Variants in PSMA1 observed in about 807,000 individuals in gnomAD.
The protein encoded by PSMA1 is proteasome 20S subunit alpha 1, also known as proteasome subunit alpha type-1.
Under a neutral mutation model 38.4 loss-of-function variants are expected in PSMA1, and 3 were observed. The observed-to-expected ratio is 0.08, with a 90% CI of 0.04 to 0.20. PSMA1 has a LOEUF of 0.20. PSMA1 is among the 10% of genes least tolerant of loss of function. The pLI is 1.00. For synonymous variants in PSMA1, 101 were observed against 107.1 expected (o/e 0.94, Z 0.35); for missense variants, 227 against 325.3 (o/e 0.70, Z 2.32).
intron 9 of PSMA1, among the ~76,000 whole-genome samples, chr11:14,506,249 C>T (rs556515684): frequency 2.6e-5 from 4 of 152,220 alleles, no homozygotes; most frequent in South Asian, 4.1e-4. Context: ...ACCATTTTAT[C>T]GTACTTTGCA....
intron 2 of PSMA1, among the ~76,000 whole-genome samples, chr11:14,589,852 C>G (rs542733619): frequency 1.3e-5 from 2 of 152,100 alleles, no homozygotes; most frequent in East Asian, 3.8e-4. Flanking sequence ...CAGTGTCCAA[C>G]GCTGTACACT....
intron 2 of PSMA1, among the ~76,000 whole-genome samples, chr11:14,548,247 ATTAT>A (rs1041055191): frequency 7.2e-5 from 11 of 152,116 alleles, no homozygotes; most frequent in Admixed American, 2.6e-4. Flanking sequence ...ATTATGTTCT[ATTAT>A]TATGTACTAT....
intron 2 of PSMA1, among the ~76,000 whole-genome samples, chr11:14,594,487 C>T (rs1243747416): frequency 6.6e-6 from 1 of 152,128 alleles, no homozygotes; most frequent in Non-Finnish European, 1.5e-5. Flanking sequence ...TGCAAAAAAA[C>T]ATTTCGTACT....
chr11:14,584,867 T>A (rs540234610), intron 2 of PSMA1, among the ~76,000 whole-genome samples: 2 of 152,356 alleles, frequency 1.3e-5, no homozygotes, highest in South Asian at 4.1e-4. Context: ...TAAGACAGGC[T>A]GGGGTCCCAT....
rs192235121 is a variant in PSMA1, at chr11:14,598,472, G to A, written c.21+12494C>T. ...ATATTTAGGACAGTTAGCTCTTCTT[G>A]TTGAATTAATCCCTTTACCATTATT... is the stretch of plus-strand genomic sequence containing the variant. On this transcript the variant is annotated intron_variant, in intron 2 of 10. Transcript: ENST00000418988. Among the ~76,000 whole-genome samples the A allele has an allele frequency of 5.9e-3, 895 of 152,054 alleles. 8 individuals carry two copies. Among genetic ancestry groups the A allele is most frequent in the Non-Finnish European group, 5.7e-3 (387 of 68,008 alleles).
In PSMA1 at chr11:14,614,187, G is replaced by GT. The variant is rs756137539; in HGVS notation, c.-165-3037dup. The stretch of plus-strand genomic sequence containing the variant: ...CAGTTTTAAAAACTGAGGGTTGTTT[G>GT]TTTTTTTAAAAAATACTCCTAAACT... On this transcript the variant is annotated intron_variant, in intron 1 of 10. Coordinates refer to the PSMA1 transcript ENST00000418988. 9.1e-4 allele frequency among the ~76,000 whole-genome samples: 139 copies of GT among 152,062 alleles called. 1 individual carries two copies. Among genetic ancestry groups the GT allele is most frequent in the Non-Finnish European group, 1.5e-3 (103 of 67,948 alleles).
At chr11:14,598,075 G>A (rs1359937212) in intron 2 of PSMA1, among the ~76,000 whole-genome samples, 1 of 151,996 alleles carries the variant, frequency 6.6e-6, no homozygotes, top group Non-Finnish European at 1.5e-5. Context: ...CATTTTCTTA[G>A]TCCTGAGTTC....
chr11:14,604,155 G>A (rs1852616138), intron 2 of PSMA1, among the ~76,000 whole-genome samples: 1 of 152,178 alleles, frequency 6.6e-6, no homozygotes, highest in Non-Finnish European at 1.5e-5. Flanking sequence ...CACCTCCTGG[G>A]TTCAAGTGAT....
intron 1 of PSMA1, among the ~76,000 whole-genome samples, chr11:14,621,774 CAT>C (rs1278192799): frequency 2.6e-5 from 4 of 152,206 alleles, no homozygotes; most frequent in African/African-American, 7.2e-5. Flanking sequence ...AAGGCCAACA[CAT>C]GTCTCTCATG....
In PSMA1 at chr11:14,537,095, A is replaced by T. The variant is rs193046878; in HGVS notation, c.22-18054T>A. Among the ~76,000 whole-genome samples the T allele has an allele frequency of 2.4e-4, 37 of 152,328 alleles. 1 individual carries two copies. The highest frequency in any genetic ancestry group is 3.4e-3 in the Middle Eastern group (1 of 294). On this transcript the variant is annotated intron_variant, in intron 2 of 10. Transcript: ENST00000418988. ...CTTTCCTCAAGACAAGAGAGAAAAA[A>T]TTCAATCCTTAGTCTGCCAATAGAC...
In PSMA1 at chr11:14,563,890, A is replaced by C. The variant is rs186135208; in HGVS notation, c.22-44849T>G. Among the ~76,000 whole-genome samples, 551 of 152,318 alleles carry C rather than the reference A, an allele frequency of 3.6e-3. 3 individuals carry two copies. The highest frequency in any genetic ancestry group is 0.024 in the Middle Eastern group (7 of 294). On this transcript the variant is annotated intron_variant, in intron 2 of 10. Transcript: ENST00000418988. ...ATTTTTGAAATTTAGGTGCAATTTTATAATCAATGATTAAATTTAATAAAG... is the reference window on the plus strand; with the variant it reads ...ATTTTTGAAATTTAGGTGCAATTTTCTAATCAATGATTAAATTTAATAAAG...
upstream of PSMA1, among the ~76,000 whole-genome samples, chr11:14,521,319 TAAG>T (rs1208406478): frequency 1.3e-4 from 10 of 79,058 alleles, no homozygotes; most frequent in Non-Finnish European, 2.5e-4. Context: ...AGAATAAGAA[TAAG>T]AATAAGAATA....
chr11:14,539,636 G>A (rs1851748747), intron 2 of PSMA1, among the ~76,000 whole-genome samples: 1 of 152,104 alleles, frequency 6.6e-6, no homozygotes, highest in African/African-American at 2.4e-5. Flanking sequence ...ACGAAGTCAG[G>A]AGATGGAGAC....
At chr11:14,554,896 C>T (rs984085772) in intron 2 of PSMA1, among the ~76,000 whole-genome samples, 1 of 152,166 alleles carries the variant, frequency 6.6e-6, no homozygotes, top group Non-Finnish European at 1.5e-5. Context: ...ACTTGTTTGA[C>T]AGATAGATTT....
chr11:14,567,426 A>AT (rs575875674), intron 2 of PSMA1, among the ~76,000 whole-genome samples: 1 of 152,240 alleles, frequency 6.6e-6, no homozygotes, highest in Non-Finnish European at 1.5e-5. Flanking sequence ...AATATCTGGT[A>AT]TAAAGAAGAA....
At chr11:14,603,507 G>C (rs1201609365) in intron 2 of PSMA1, among the ~76,000 whole-genome samples, 2 of 152,124 alleles carry the variant, frequency 1.3e-5, no homozygotes, top group Non-Finnish European at 2.9e-5. Flanking sequence ...TATTGCACCC[G>C]ATGAGTCCAC....
At chr11:14,633,955 C>G (rs898963520) in intron 1 of PSMA1, among the ~76,000 whole-genome samples, 12 of 152,236 alleles carry the variant, frequency 7.9e-5, no homozygotes, top group African/African-American at 9.6e-5. Flanking sequence ...TCCCTGACCC[C>G]TTGCGCTTCC....
At chr11:14,511,774 T>C (rs1346450395) in intron 7 of PSMA1, among the ~76,000 whole-genome samples, 2 of 152,206 alleles carry the variant, frequency 1.3e-5, no homozygotes, top group Non-Finnish European at 2.9e-5. Context: ...TCATGCAACT[T>C]ATATTCATCA....
chr11:14,592,005 G>T (rs1029127846), intron 2 of PSMA1, among the ~76,000 whole-genome samples: 1 of 151,502 alleles, frequency 6.6e-6, no homozygotes, highest in Non-Finnish European at 1.5e-5. Context: ...TGAGCCCAGC[G>T]AGACCATGAG....
Sources: allele counts gnomAD v4.1 joint callset (sites outside exome capture counted in the v4.1 genomes callset), GRCh38; gene constraint gnomAD v4.1.1; transcripts MANE v1.5; gene names NCBI Gene and HGNC (gene_info 2026-07-23, HGNC 2026-07-21).